FMNL2: variants seen among roughly 807,000 people sequenced by gnomAD.
The protein encoded by FMNL2 is formin like 2.
In FMNL2, 51 loss-of-function variants were observed where a neutral mutation model predicts 130.2. The ratio of observed to expected loss-of-function variants is 0.39; its 90% CI spans 0.31 to 0.49. FMNL2 has a LOEUF of 0.49. Ranked by LOEUF, FMNL2 falls within the 20% of genes least tolerant of loss-of-function variation. FMNL2 has a pLI of 0.85. For synonymous variants in FMNL2, 465 were observed against 467.1 expected, an observed-to-expected ratio of 1.00 and a Z score of 0.06; for missense variants, 977 against 1,316.2, an observed-to-expected ratio of 0.74 and a Z score of 3.99.
At position 152,471,184 on chromosome 2, in the gene FMNL2, G is replaced by A. The variant is rs190487115; in HGVS notation, c.118-50759G>A. 6.6e-5 allele frequency among the ~76,000 whole-genome samples: 10 copies of A among 151,362 alleles called. No individual in the cohort carries two copies. The East Asian group carries it at 7.7e-4, about 12-fold the overall frequency. On this transcript the variant is annotated intron_variant, in intron 1 of 25. Transcript: ENST00000288670. ...AAAAAAAAGCAGAAAAGTCCCGTAC[G>A]CTGTCGTTTGCTTAGTCTTATCTGA...
intron 1 of FMNL2, among the ~76,000 whole-genome samples, chr2:152,448,898 T>C (rs185667388): frequency 6.6e-6 from 1 of 152,154 alleles, no homozygotes; most frequent in Admixed American, 6.5e-5. Flanking sequence ...CCTTGAAGAG[T>C]CTCTGAAATA....
chr2:152,432,349 A>G (rs771375865), intron 1 of FMNL2, among the ~76,000 whole-genome samples: 4 of 152,202 alleles, frequency 2.6e-5, no homozygotes, highest in Non-Finnish European at 5.9e-5. Context: ...CAATAATTCA[A>G]AGCAGAGCGG....
At chr2:152,647,030 A>T (rs993311607) in intron 25 of FMNL2, among the ~76,000 whole-genome samples, 2 of 152,208 alleles carry the variant, frequency 1.3e-5, no homozygotes, top group African/African-American at 2.4e-5. Flanking sequence ...TTTCTTATGC[A>T]GGAGGGCCCA....
intron 17 of FMNL2, among the ~76,000 whole-genome samples, chr2:152,627,026 C>A (rs188628910): frequency 6.4e-4 from 98 of 152,282 alleles, no homozygotes; most frequent in Admixed American, 1.4e-3. Context: ...TTATCTGGGT[C>A]TACTCTCTTA....
chr2:152,384,289 C>T (rs952976754), intron 1 of FMNL2, among the ~76,000 whole-genome samples: 10 of 152,296 alleles, frequency 6.6e-5, no homozygotes, highest in African/African-American at 2.4e-4. Flanking sequence ...TTAAGTTGTA[C>T]TTACACATTT....
chr2:152,398,728 T>C (rs1013025974), intron 1 of FMNL2, among the ~76,000 whole-genome samples: 5 of 152,172 alleles, frequency 3.3e-5, no homozygotes, highest in African/African-American at 1.2e-4. Context: ...GATAAAGAAA[T>C]AGTATAGAGG....
chr2:152,364,275 T>A (rs891510875), intron 1 of FMNL2, among the ~76,000 whole-genome samples: 2 of 148,946 alleles, frequency 1.3e-5, no homozygotes, highest in Non-Finnish European at 3.0e-5. Context: ...TTTTTTTTTT[T>A]TTTTTTTTTT....
chr2:152,530,115 C>T (rs1306013511), intron 2 of FMNL2, among the ~76,000 whole-genome samples: 2 of 152,122 alleles, frequency 1.3e-5, no homozygotes, highest in African/African-American at 4.8e-5. Context: ...GCTTAGACTA[C>T]GTGGTTGTCT....
chr2:152,398,677 A>G (rs1310649943), intron 1 of FMNL2, among the ~76,000 whole-genome samples: 6 of 152,238 alleles, frequency 3.9e-5, no homozygotes, highest in Non-Finnish European at 8.8e-5. Flanking sequence ...TTTATCTTCT[A>G]TACACAGTTA....
At chr2:152,444,497 T>C (rs1688232981) in intron 1 of FMNL2, among the ~76,000 whole-genome samples, 1 of 152,232 alleles carries the variant, frequency 6.6e-6, no homozygotes, top group Non-Finnish European at 1.5e-5. Context: ...TACTTTCATT[T>C]AGAGATATGC....
chr2:152,542,194 A>G lies in FMNL2; in HGVS notation c.202-545A>G, dbSNP rs1337790675. On this transcript the variant is annotated intron_variant, in intron 2 of 25. Coordinates refer to ENST00000288670, the MANE Select transcript of FMNL2 (RefSeq NM_052905.4). ...CATGTCGGCACACACATGTGTACCC[A>G]TGCAAACATAACACTCCCACATTCC... Among the ~76,000 whole-genome samples, 3 of 152,328 alleles carry G rather than the reference A, an allele frequency of 2.0e-5. 1 individual carries two copies. Among genetic ancestry groups the G allele is most frequent in the African/African-American group, 7.2e-5 (3 of 41,580 alleles).
chr2:152,375,979 T>C (rs56394896), intron 1 of FMNL2, among the ~76,000 whole-genome samples: 76,502 of 150,932 alleles, frequency 0.51, 20,363 homozygotes, highest in Non-Finnish European at 0.59. Flanking sequence ...CCCCAACCTC[T>C]GCTTCCCAGG....
At chr2:152,636,371 G>C in intron 21 of FMNL2, 56 bp from the exon 22 acceptor site, 1 of 1,545,866 alleles carries the variant, frequency 6.5e-7, no homozygotes, top group Admixed American at 1.9e-5. Flanking sequence ...AGCCAGATTC[G>C]CTGTGGTTGT....
chr2:152,423,756 T>G (rs1687035920), intron 1 of FMNL2, among the ~76,000 whole-genome samples: 1 of 152,044 alleles, frequency 6.6e-6, no homozygotes. Flanking sequence ...GTGATGTGCT[T>G]TTGAGGTCCC....
In FMNL2 at chr2:152,632,024, C is replaced by G; in HGVS notation, c.2567C>G (p.Ser856Ter). 1 of 1,611,588 alleles carries G rather than the reference C, an allele frequency of 6.2e-7. No homozygotes were observed. The highest frequency in any genetic ancestry group is 8.5e-7 in the Non-Finnish European group (1 of 1,178,940). Residue 856 changes from serine (S) to a stop codon, truncating the protein, a stop_gained, in exon 21 of 26, where the codon TCA (serine) becomes TGA (stop). Transcript: ENST00000288670. LOFTEE classifies it high-confidence loss of function. ...TGTTTTCAGCTCTTAGATACAAAGT[C>G]AACAGACAGAAAGCAAACACTGTTG... Reference protein sequence around the residue: ...QSLDLLLDTKSTDRKQTLLHY... With the variant: ...QSLDLLLDTK
chr2:152,385,116 G>T (rs1684706426), intron 1 of FMNL2, among the ~76,000 whole-genome samples: 1 of 152,238 alleles, frequency 6.6e-6, no homozygotes. Context: ...GTGTGGGATT[G>T]CTCCTGTATT....
chr2:152,492,356 C>T (rs1035838027), intron 1 of FMNL2, among the ~76,000 whole-genome samples: 1 of 152,140 alleles, frequency 6.6e-6, no homozygotes, highest in Admixed American at 6.5e-5. Flanking sequence ...TTTGTAAGAT[C>T]GTTTTCTAAA....
At chr2:152,600,733 T>A (rs573588671) in intron 9 of FMNL2, among the ~76,000 whole-genome samples, 2 of 150,224 alleles carry the variant, frequency 1.3e-5, no homozygotes, top group East Asian at 3.9e-4. Flanking sequence ...AGTTGGAGCT[T>A]TTTTTTTTTG....
intron 1 of FMNL2, among the ~76,000 whole-genome samples, chr2:152,489,783 A>C (rs1691039702): frequency 6.6e-6 from 1 of 152,204 alleles, no homozygotes; most frequent in Non-Finnish European, 1.5e-5. Flanking sequence ...CAAGTCTAAG[A>C]AAAATTCATC....
Sources: allele counts gnomAD v4.1 joint callset (sites outside exome capture counted in the v4.1 genomes callset), GRCh38; gene constraint gnomAD v4.1.1; transcripts MANE v1.5; gene names NCBI Gene and HGNC (gene_info 2026-07-23, HGNC 2026-07-21).